The following CGNL1 variants were observed in gnomAD, a reference collection of about 807,000 sequenced individuals.
CGNL1 encodes the protein cingulin like 1.
CGNL1 carries 132 observed loss-of-function variants against 141.2 expected under a neutral mutation model. That is an observed-to-expected ratio of 0.93 (90% confidence interval 0.81 to 1.08). The LOEUF (loss-of-function observed/expected upper bound fraction) is 1.08, where lower values mean the gene tolerates loss of function less well. Among genes scored for constraint, CGNL1 ranks in the 50% least tolerant of loss-of-function variants. The pLI, the probability that CGNL1 is intolerant of heterozygous loss-of-function variation, is 0.00. For missense variants in CGNL1, 1,870 were observed against 1,588.6 expected (o/e 1.18, Z -3.01); for synonymous variants, 690 against 622.1 (o/e 1.11, Z -1.63).
At chr15:57,497,913 C>T (rs1421699272) in intron 8 of CGNL1, among the ~76,000 whole-genome samples, 1 of 152,188 alleles carries the variant, frequency 6.6e-6, no homozygotes, top group Non-Finnish European at 1.5e-5. Flanking sequence ...CAGTGTCACG[C>T]TGAGAAGAGT....
At chr15:57,529,608 A>ACACG (rs2031841680) in intron 13 of CGNL1, among the ~76,000 whole-genome samples, 2 of 144,472 alleles carry the variant, frequency 1.4e-5, no homozygotes, top group Admixed American at 7.0e-5. Context: ...ACACACACAC[A>ACACG]CGCCCCAGTA....
chr15:57,400,986 C>G (rs1236170597), intron 1 of CGNL1, among the ~76,000 whole-genome samples: 1 of 149,812 alleles, frequency 6.7e-6, no homozygotes, highest in Non-Finnish European at 1.5e-5. Context: ...TTTATCATCT[C>G]TAGTCATAAC....
chr15:57,441,721 G>T (rs115900403), intron 3 of CGNL1, among the ~76,000 whole-genome samples: 1 of 152,104 alleles, frequency 6.6e-6, no homozygotes, highest in Non-Finnish European at 1.5e-5. Flanking sequence ...GATTTATTGA[G>T]ACATTGGTAA....
intron 11 of CGNL1, among the ~76,000 whole-genome samples, chr15:57,524,201 A>T (rs2031459027): frequency 6.6e-6 from 1 of 152,206 alleles, no homozygotes; most frequent in Non-Finnish European, 1.5e-5. Flanking sequence ...TCTGCTGATA[A>T]AATTTTATCT....
intron 14 of CGNL1, among the ~76,000 whole-genome samples, chr15:57,539,523 G>A (rs780748257): frequency 1.2e-4 from 19 of 152,118 alleles, no homozygotes; most frequent in Non-Finnish European, 2.5e-4. Context: ...TCCAGCCCTG[G>A]GTCATAGCTG....
intron 8 of CGNL1, among the ~76,000 whole-genome samples, chr15:57,492,656 A>G (rs1469987223): frequency 3.3e-5 from 5 of 150,288 alleles, no homozygotes; most frequent in African/African-American, 1.3e-4. Flanking sequence ...GGCAAAGTGA[A>G]AAAGGAAACA....
At chr15:57,388,107 G>A (rs1203153308) in intron 1 of CGNL1, among the ~76,000 whole-genome samples, 6 of 152,206 alleles carry the variant, frequency 3.9e-5, no homozygotes, top group East Asian at 1.9e-4. Flanking sequence ...CTGCAGTGTC[G>A]GGGGGCTTCA....
chr15:57,540,113 T>G lies in CGNL1; in HGVS notation c.3292-3583T>G, dbSNP rs1388078906. Among the ~76,000 whole-genome samples the G allele has an allele frequency of 1.3e-5, 2 of 152,184 alleles. 1 individual carries two copies. The highest frequency in any genetic ancestry group is 4.1e-4 in the South Asian group (2 of 4,832). ...CCCCTCACCTCCCTCATATGGCTAA[T>G]TCCTTCCAACACTGCCCTTCTCTTT... On this transcript the variant is annotated intron_variant, in intron 14 of 18. Transcript: ENST00000281282.
chr15:57,499,056 C>T (rs896068746), intron 8 of CGNL1, among the ~76,000 whole-genome samples: 4 of 151,914 alleles, frequency 2.6e-5, no homozygotes, highest in South Asian at 2.1e-4. Context: ...TTTCTCCTGC[C>T]CCAGTGTGTG....
chr15:57,435,407 G>GGTT lies in CGNL1; in HGVS notation c.-15-2578_-15-2577insGTT, dbSNP rs1291475942. On this transcript the variant is annotated intron_variant, in intron 1 of 18. Transcript: ENST00000281282. ...TAGAAGAAATAGCTGAAATTTGCAG[G>GGTT]TTTTTTTGTTTTTTTTTTTTTCCTC... is the stretch of plus-strand genomic sequence containing the variant. 1.0e-4 allele frequency among the ~76,000 whole-genome samples: 10 copies of GGTT among 96,916 alleles called. 1 individual carries two copies. The highest frequency in any genetic ancestry group is 1.8e-4 in the African/African-American group (5 of 27,072). 63.6% of individuals were successfully genotyped at this position (96,916 alleles called of 152,430 possible).
rs72739716 is a variant in CGNL1, at chr15:57,449,904, G to A, written c.1804-1596G>A. Among the ~76,000 whole-genome samples the A allele has an allele frequency of 7.5e-3, 1,137 of 152,182 alleles. 5 individuals are homozygous for A. The highest frequency in any genetic ancestry group is 0.012 in the Non-Finnish European group (834 of 67,986). On this transcript the variant is annotated intron_variant, in intron 4 of 18. Coordinates refer to ENST00000281282, the MANE Select transcript of CGNL1 (RefSeq NM_032866.5). ...TGGATTGGTAGTTCATTTCATTTTA[G>A]TATTGAGTATTAATATTCCATTGTC...
At chr15:57,425,973 T>C (rs1349608885) in intron 1 of CGNL1, among the ~76,000 whole-genome samples, 1 of 152,046 alleles carries the variant, frequency 6.6e-6, no homozygotes, top group Non-Finnish European at 1.5e-5. Context: ...ATGGAGTAGA[T>C]GGCCTTTACT....
intron 7 of CGNL1, among the ~76,000 whole-genome samples, chr15:57,457,046 G>C (rs2063387716): frequency 6.6e-6 from 1 of 152,032 alleles, no homozygotes; most frequent in African/African-American, 2.4e-5. Flanking sequence ...CCAGCCGTGT[G>C]ATGCTTCCTT....
chr15:57,507,052 C>G lies in CGNL1; in HGVS notation c.2404-9728C>G, dbSNP rs76062525. Among the ~76,000 whole-genome samples, 86 of 152,264 alleles carry G rather than the reference C, an allele frequency of 5.6e-4. 5 individuals carry two copies. The East Asian group carries it at 0.016, about 28-fold the overall frequency. On this transcript the variant is annotated intron_variant, in intron 8 of 18. Coordinates refer to ENST00000281282, the MANE Select transcript of CGNL1 (RefSeq NM_032866.5). ...TCTAATTCTAGAACATTTTCATCAC[C>G]CTAAATGAAGCCCCTTTCATCTGAA... is the stretch of plus-strand genomic sequence containing the variant.
At chr15:57,404,425 C>T (rs1249801439) in intron 1 of CGNL1, among the ~76,000 whole-genome samples, 2 of 152,202 alleles carry the variant, frequency 1.3e-5, no homozygotes, top group Non-Finnish European at 2.9e-5. Context: ...ATGAACCTGT[C>T]ACAGATTTTC....
chr15:57,539,460 T>C (rs2032443649), intron 14 of CGNL1, among the ~76,000 whole-genome samples: 1 of 152,180 alleles, frequency 6.6e-6, no homozygotes, highest in African/African-American at 2.4e-5. Context: ...CTGTGGCTTC[T>C]CATTGACACC....
rs777396269 is a variant in CGNL1 at position 57,438,596 on chromosome 15, G to A, written c.597G>A (p.Gln199=). The change falls in exon 2 of 19, where the codon CAG becomes CAA. Residue 199 remains glutamine, a synonymous_variant. Transcript: ENST00000281282. The part of the protein sequence containing the change: ...WTCFPKPSNS[Q]PTSPSLEDPA... The stretch of plus-strand genomic sequence containing the variant: ...GCTTTCCCAAACCTAGCAATTCCCA[G>A]CCTACCAGTCCCTCCTTGGAAGACC... The A allele has an allele frequency of 1.9e-6, 3 of 1,613,612 alleles. No homozygotes were observed. The highest frequency in any genetic ancestry group is 2.5e-6 in the Non-Finnish European group (3 of 1,180,048).
chr15:57,428,136 G>T (rs1386901311), intron 1 of CGNL1, among the ~76,000 whole-genome samples: 1 of 152,244 alleles, frequency 6.6e-6, no homozygotes, highest in Non-Finnish European at 1.5e-5. Context: ...CACTTCCACT[G>T]AGCTCTGACA....
chr15:57,501,871 G>T (rs550268845), intron 8 of CGNL1, among the ~76,000 whole-genome samples: 3 of 152,260 alleles, frequency 2.0e-5, no homozygotes, highest in East Asian at 1.9e-4. Flanking sequence ...GCACTCACAG[G>T]GGGGAAGTTC....
Sources: gnomAD v4.1 joint callset for allele counts (sites outside exome capture counted in the v4.1 genomes callset) on GRCh38, gnomAD v4.1.1 for gene constraint, MANE v1.5 for transcripts, NCBI Gene and HGNC (gene_info 2026-07-23, HGNC 2026-07-21) for gene names.